VPS13C: variants seen among roughly 807,000 people sequenced by gnomAD.
The protein encoded by VPS13C is vacuolar protein sorting 13 homolog C.
In VPS13C, 358 loss-of-function variants were observed where a neutral mutation model predicts 456.8. The ratio of observed to expected loss-of-function variants is 0.78; its 90% CI spans 0.72 to 0.86. VPS13C has a LOEUF of 0.86. VPS13C is among the 40% of genes least tolerant of loss of function. VPS13C has a pLI of 0.00. For missense variants in VPS13C, 4,818 were observed against 4,385.4 expected (o/e 1.10, Z -2.79); for synonymous variants, 1,578 against 1,486.7 (o/e 1.06, Z -1.41).
Position 62,023,634 on chromosome 15 carries a change from C to T in VPS13C, c.515-114G>A. On this transcript the variant is annotated intron_variant, in intron 7 of 84. Transcript: ENST00000644861. ...CAATGGAAATTACAGCCAATAGTGTCTTTATTTATATTTTAATATGCATTT... is the reference window on the plus strand; with the variant it reads ...CAATGGAAATTACAGCCAATAGTGTTTTTATTTATATTTTAATATGCATTT... 4.5e-6 allele frequency: 5 copies of T among 1,103,462 alleles called. No individual in the cohort carries two copies. The South Asian group carries it at 6.1e-5, about 13-fold the overall frequency. The allele number at this position is 1,103,462 out of a possible 1,614,324, so 68.4% of individuals were successfully genotyped here.
Position 61,867,990 on chromosome 15 carries a change from C to A in VPS13C, c.10863+669G>T, listed in dbSNP as rs761259129. The A allele has an allele frequency of 1.5e-6, 2 of 1,308,908 alleles. No homozygotes were observed. The highest frequency in any genetic ancestry group is 2.3e-5 in the East Asian group (1 of 42,840). 81.1% of individuals were successfully genotyped at this position (1,308,908 alleles called of 1,614,324 possible). ...CAAAGAAAATAAAGTTAGAAGCATGCAGAAAGATAGATAAAACGTAATCAT... is the reference window on the plus strand; with the variant it reads ...CAAAGAAAATAAAGTTAGAAGCATGAAGAAAGATAGATAAAACGTAATCAT... On this transcript the variant is annotated intron_variant, in intron 81 of 84. Transcript: ENST00000644861. The surrounding 1 kb of genome is among the most constrained non-coding windows in gnomAD (Gnocchi z 5.0).
chr15:62,004,193 T>C (rs1395497043), intron 15 of VPS13C, among the ~76,000 whole-genome samples: 2 of 151,636 alleles, frequency 1.3e-5, no homozygotes, highest in Admixed American at 6.6e-5. Context: ...TGCCACAATT[T>C]CAGATCCTGT....
At chr15:61,854,786 G>T in intron 84 of VPS13C, 85 bp downstream of exon 84, 1 of 1,247,186 alleles carries the variant, frequency 8.0e-7, no homozygotes, top group Non-Finnish European at 1.1e-6. Context: ...AGAGCTTTGG[G>T]AGAAATAATG....
At chr15:62,002,586 T>A (rs1007586725) in intron 15 of VPS13C, among the ~76,000 whole-genome samples, 3 of 152,224 alleles carry the variant, frequency 2.0e-5, no homozygotes, top group Non-Finnish European at 4.4e-5. Context: ...AGACATGAAG[T>A]CCTTGTCCAT....
At chr15:61,998,150 C>A (rs1596451695) in intron 16 of VPS13C, among the ~76,000 whole-genome samples, 1 of 152,154 alleles carries the variant, frequency 6.6e-6, no homozygotes, top group Non-Finnish European at 1.5e-5. Context: ...AGCAGTTACA[C>A]TTTATTATTT....
chr15:61,950,350 A>C lies in VPS13C; in HGVS notation c.4596+8T>G, dbSNP rs368745066. 3.7e-5 allele frequency: 59 copies of C among 1,606,042 alleles called. No homozygotes were observed. The highest frequency in any genetic ancestry group is 5.0e-5 in the Non-Finnish European group (59 of 1,173,444). On this transcript the variant is annotated splice_region_variant and intron_variant, in intron 41 of 84. Coordinates refer to ENST00000644861, the MANE Select transcript of VPS13C (RefSeq NM_020821.3). ...ACCCAACCTTATAGCAAATTATAAA[A>C]GTTTTACCTTCAGTCTCTGTTTGGT... is the stretch of plus-strand genomic sequence containing the variant.
Position 61,853,349 on chromosome 15 carries a change from A to C in VPS13C, c.*1108T>G, listed in dbSNP as rs1187567007. ...GGAATATAAAAATATTGAATTTTAC[A>C]TATTTCAGAGTCTTGAGAAACTTAA... On this transcript the variant is annotated 3_prime_UTR_variant, in exon 85 of 85. Coordinates refer to ENST00000644861, the MANE Select transcript of VPS13C (RefSeq NM_020821.3). 2 of 152,356 alleles carry C rather than the reference A, an allele frequency of 1.3e-5. No individual in the cohort carries two copies. The highest frequency in any genetic ancestry group is 3.9e-4 in the East Asian group (2 of 5,192). 9.4% of individuals were successfully genotyped at this position (152,356 alleles called of 1,614,324 possible).
rs142626680 is a variant in VPS13C, at chr15:61,909,008, G to C, written c.8962C>G (p.Leu2988Val). 11 of 1,613,520 alleles carry C rather than the reference G, an allele frequency of 6.8e-6. No individual in the cohort carries two copies. The East Asian group carries it at 2.2e-4, about 33-fold the overall frequency. The change falls in exon 65 of 85, where the codon CTC (leucine) becomes GTC (valine). Residue 2988 changes from leucine (L) to valine (V), a missense_variant. Around this residue, in one of 3 missense-constraint regions of VPS13C, gnomAD observed 4,552 missense variants for 4,130.6 expected, o/e 1.10. Transcript: ENST00000644861. ...TTCTCATACCTCTGTTTGTATGTGAGGATGTCCCATGGTGTATGGTTCATT... is the reference window on the plus strand; with the variant it reads ...TTCTCATACCTCTGTTTGTATGTGACGATGTCCCATGGTGTATGGTTCATT... ...LIMNHTPWDILTYKQSGSPEE... is the reference protein window; with the variant it reads ...LIMNHTPWDIVTYKQSGSPEE...
At chr15:61,901,736 A>G (rs536825132) in intron 66 of VPS13C, among the ~76,000 whole-genome samples, 2 of 152,056 alleles carry the variant, frequency 1.3e-5, no homozygotes, top group East Asian at 3.9e-4. Flanking sequence ...TAGAAATACC[A>G]TTTGACCCAG....
chr15:62,051,651 C>T (rs10468026), intron 1 of VPS13C, among the ~76,000 whole-genome samples: 59,959 of 151,972 alleles, frequency 0.39, 13,071 homozygotes, highest in Admixed American at 0.51. Context: ...GCGTGGTTGT[C>T]GGTTCCACTT....
At chr15:61,925,982 G>A (rs2140202533) in intron 52 of VPS13C, among the ~76,000 whole-genome samples, 1 of 152,260 alleles carries the variant, frequency 6.6e-6, no homozygotes, top group African/African-American at 2.4e-5. Context: ...GCCTTTATTA[G>A]AATAAAAGTC....
intron 47 of VPS13C, among the ~76,000 whole-genome samples, chr15:61,938,440 C>G (rs1486828425): frequency 1.3e-5 from 2 of 152,100 alleles, no homozygotes; most frequent in East Asian, 3.9e-4. Flanking sequence ...TGCCTGATAC[C>G]CTTTCTTGGC....
intron 20 of VPS13C, among the ~76,000 whole-genome samples, chr15:61,983,494 A>G (rs1462393427): frequency 6.6e-6 from 1 of 152,232 alleles, no homozygotes; most frequent in Non-Finnish European, 1.5e-5. Flanking sequence ...GAGAAAATAT[A>G]CAAAAAAGAA....
chr15:62,034,369 G>T (rs936571987), intron 4 of VPS13C, among the ~76,000 whole-genome samples: 13 of 151,680 alleles, frequency 8.6e-5, no homozygotes, highest in African/African-American at 2.7e-4. Flanking sequence ...TTAAGAAATT[G>T]TAAGTAATTT....
chr15:61,882,875 C>T, intron 68 of VPS13C, 139 bp from the exon 69 acceptor site: 1 of 814,474 alleles, frequency 1.2e-6, no homozygotes, highest in Non-Finnish European at 1.7e-6. Context: ...AGGTGATCTA[C>T]AGTTGAGATC....
Position 61,877,071 on chromosome 15 carries a change from G to A in VPS13C, c.10143-17C>T. On this transcript the variant is annotated splice_polypyrimidine_tract_variant and intron_variant, in intron 74 of 84. Transcript: ENST00000644861. ...TAAGCAAGTCTGGGAGGAGAAAAAG[G>A]AAAGATTCAAAGATACTAATATTAT... The A allele has an allele frequency of 6.3e-7, 1 of 1,578,478 alleles. No homozygotes were observed. The highest frequency in any genetic ancestry group is 8.6e-7 in the Non-Finnish European group (1 of 1,156,972).
At chr15:61,936,410 C>T (rs2044227011) in intron 48 of VPS13C, among the ~76,000 whole-genome samples, 187 bp downstream of exon 48, 1 of 152,214 alleles carries the variant, frequency 6.6e-6, no homozygotes, top group South Asian at 2.1e-4. Flanking sequence ...ATGCCAACAA[C>T]AAGTGACCCT....
chr15:61,906,862 T>A (rs1247953752), intron 66 of VPS13C: 1 of 184,246 alleles, frequency 5.4e-6, no homozygotes, highest in African/African-American at 2.4e-5. Flanking sequence ...TTGCATACTA[T>A]CAGACTTCAT....
chr15:61,887,776 T>C (rs999535575), intron 67 of VPS13C, among the ~76,000 whole-genome samples: 1 of 151,824 alleles, frequency 6.6e-6, no homozygotes, highest in Non-Finnish European at 1.5e-5. Context: ...TAGGAGGAAA[T>C]AAAGCTAACT....
Sources: gnomAD v4.1 joint callset for allele counts (sites outside exome capture counted in the v4.1 genomes callset) on GRCh38, gnomAD v4.1.1 for gene constraint, gnomAD v4.1.1 regional missense constraint, Gnocchi (gnomAD v3.1) non-coding constraint, MANE v1.5 for transcripts, NCBI Gene and HGNC (gene_info 2026-07-23, HGNC 2026-07-21) for gene names.